MCPH1: variants seen among roughly 807,000 people sequenced by gnomAD.
MCPH1 encodes microcephalin 1.
A neutral mutation model predicts 84.5 loss-of-function variants in MCPH1; 104 were observed. That is an observed-to-expected ratio of 1.23 (90% CI 1.05 to 1.45). The LOEUF is 1.45. Ranked by LOEUF, MCPH1 falls within the 40% of genes most tolerant of loss-of-function variation. The pLI is 0.00. For synonymous variants in MCPH1, 514 were observed against 366.8 expected (o/e 1.40, Z -4.58); for missense variants, 1,498 against 1,005.7 (o/e 1.49, Z -6.62).
At chr8:6,457,572 T>G (rs1402075957) in intron 9 of MCPH1, among the ~76,000 whole-genome samples, 1 of 151,992 alleles carries the variant, frequency 6.6e-6, no homozygotes, top group African/African-American at 2.4e-5. Flanking sequence ...GCCACTGCAC[T>G]CCAGCCTGGG....
rs531819435 is a variant in MCPH1, at chr8:6,436,415, A to G, written c.436+253A>G. ...GTGGTCGAACTTTTTATTTTCGGGA[A>G]TGATTTCAGAAGAAAAGCAAACTTT... is the stretch of plus-strand genomic sequence containing the variant. On this transcript the variant is annotated intron_variant, in intron 5 of 13. Coordinates refer to ENST00000344683, the MANE Select transcript of MCPH1 (RefSeq NM_024596.5). 1.2e-4 allele frequency among the ~76,000 whole-genome samples: 19 copies of G among 152,360 alleles called. No individual in the cohort carries two copies. The South Asian group carries it at 3.3e-3, about 27-fold the overall frequency.
rs190080197 is a variant in MCPH1, at chr8:6,619,213, A to G, written c.2215-2241A>G. ...GAAGAAGTCTTTGTTCTGCCAATAA[A>G]GAAGACACAGACAACAGTGTCTAAC... On this transcript the variant is annotated intron_variant, in intron 12 of 13. Coordinates refer to ENST00000344683, the MANE Select transcript of MCPH1 (RefSeq NM_024596.5). 1.0e-4 allele frequency: 16 copies of G among 152,392 alleles called. No homozygotes were observed. The East Asian group carries it at 2.9e-3, about 28-fold the overall frequency. The allele number at this position is 152,392 out of a possible 1,614,324, so 9.4% of individuals were successfully genotyped here.
At chr8:6,423,059 G>A (rs945714716) in intron 3 of MCPH1, among the ~76,000 whole-genome samples, 2 of 151,496 alleles carry the variant, frequency 1.3e-5, no homozygotes, top group Non-Finnish European at 2.9e-5. Flanking sequence ...GACCTCAGGT[G>A]ATCCGCCCAC....
At chr8:6,521,354 G>A (rs946221594) in intron 12 of MCPH1, 10 of 1,613,316 alleles carry the variant, frequency 6.2e-6, no homozygotes, top group Non-Finnish European at 7.6e-6. Flanking sequence ...TTCTTTTATT[G>A]ACTGTAGTTG....
chr8:6,533,674 C>A (rs1264699203), intron 12 of MCPH1, among the ~76,000 whole-genome samples: 1 of 147,328 alleles, frequency 6.8e-6, no homozygotes, highest in East Asian at 2.1e-4. Context: ...TGTTTTCTTC[C>A]TTTTCACATA....
chr8:6,586,231 G>A (rs1827968607), intron 12 of MCPH1, among the ~76,000 whole-genome samples: 1 of 152,162 alleles, frequency 6.6e-6, no homozygotes, highest in African/African-American at 2.4e-5. Context: ...GGAGTCCTGG[G>A]ATTACAGGTG....
intron 3 of MCPH1, among the ~76,000 whole-genome samples, chr8:6,424,521 C>T (rs1200992157): frequency 6.6e-6 from 1 of 152,244 alleles, no homozygotes; most frequent in African/African-American, 2.4e-5. Context: ...TTCCCGCCTC[C>T]TCAGCCTTCT....
At chr8:6,424,859 C>A (rs950249165) in intron 3 of MCPH1, among the ~76,000 whole-genome samples, 3 of 152,222 alleles carry the variant, frequency 2.0e-5, no homozygotes, top group East Asian at 1.9e-4. Context: ...CAGGGACACA[C>A]GTGAAGGATA....
intron 1 of MCPH1, among the ~76,000 whole-genome samples, chr8:6,408,665 C>G (rs1049526702): frequency 6.6e-6 from 1 of 151,116 alleles, no homozygotes; most frequent in African/African-American, 2.4e-5. Context: ...CTCCACCCTA[C>G]CCACCCCCAT....
At chr8:6,446,017 G>C (rs1233521163) in intron 8 of MCPH1, 1 of 979,100 alleles carries the variant, frequency 1.0e-6, no homozygotes, top group African/African-American at 1.7e-5. Flanking sequence ...ACTACTTTTA[G>C]AAATCTGTTG....
chr8:6,415,897 G>A (rs77897919), intron 3 of MCPH1, among the ~76,000 whole-genome samples: 6,899 of 152,218 alleles, frequency 0.045, 233 homozygotes, highest in Middle Eastern at 0.11. Context: ...TCTCTAATTA[G>A]GGAAGTGTTC....
chr8:6,508,147 C>CT (rs1468213950), intron 12 of MCPH1: 4 of 152,120 alleles, frequency 2.6e-5, no homozygotes, highest in Non-Finnish European at 5.9e-5. Flanking sequence ...TTAATGGAAT[C>CT]TTTTTTAAAA....
At chr8:6,424,420 A>G (rs1480077593) in intron 3 of MCPH1, among the ~76,000 whole-genome samples, 1 of 152,202 alleles carries the variant, frequency 6.6e-6, no homozygotes. Context: ...CTGCATAACC[A>G]CAACACAGGC....
intron 12 of MCPH1, among the ~76,000 whole-genome samples, chr8:6,558,295 C>T (rs138175562): frequency 2.0e-3 from 306 of 152,312 alleles, no homozygotes; most frequent in African/African-American, 7.1e-3. Context: ...AATCTACTTC[C>T]TATTTCCACC....
At chr8:6,609,150 C>G (rs568421779) in intron 12 of MCPH1, among the ~76,000 whole-genome samples, 1 of 151,958 alleles carries the variant, frequency 6.6e-6, no homozygotes, top group Admixed American at 6.5e-5. Context: ...ATCAAAGTTT[C>G]TATAAGTTGT....
At chr8:6,593,650 G>C (rs2129577809) in intron 12 of MCPH1, among the ~76,000 whole-genome samples, 1 of 152,322 alleles carries the variant, frequency 6.6e-6, no homozygotes, top group South Asian at 2.1e-4. Context: ...CCCTACAGCT[G>C]ACCCAGACAC....
intron 11 of MCPH1, among the ~76,000 whole-genome samples, chr8:6,495,564 A>G (rs185794381): frequency 1.3e-5 from 2 of 152,368 alleles, no homozygotes; most frequent in Admixed American, 1.3e-4. Context: ...GATGAGAACA[A>G]TCTTTGTAAT....
At chr8:6,546,953 A>C (rs900566315) in intron 12 of MCPH1, among the ~76,000 whole-genome samples, 1 of 152,220 alleles carries the variant, frequency 6.6e-6, no homozygotes, top group Non-Finnish European at 1.5e-5. Context: ...GTTCCTTGCA[A>C]GCTGGCTGGT....
At chr8:6,634,724 T>C (rs184751783) in intron 13 of MCPH1, 6 of 152,300 alleles carry the variant, frequency 3.9e-5, no homozygotes, top group African/African-American at 1.4e-4. Context: ...GACAGCAAGA[T>C]TTTCTTATGC....
Sources: gnomAD v4.1 joint callset for allele counts (sites outside exome capture counted in the v4.1 genomes callset) on GRCh38, gnomAD v4.1.1 for gene constraint, MANE v1.5 for transcripts, NCBI Gene and HGNC (gene_info 2026-07-23, HGNC 2026-07-21) for gene names.